Variants in MALT1 observed in about 807,000 individuals in gnomAD.
MALT1 encodes the protein MALT1 paracaspase, also known as mucosa-associated lymphoid tissue lymphoma translocation protein 1.
Under a neutral mutation model 85.5 loss-of-function variants are expected in MALT1, and 36 were observed. That is an observed-to-expected ratio of 0.42 (90% confidence interval 0.32 to 0.56). The LOEUF (loss-of-function observed/expected upper bound fraction) is 0.56. MALT1 is among the 20% of genes least tolerant of loss of function. MALT1 has a pLI of 0.10. For synonymous variants in MALT1, 359 were observed against 361.3 expected (o/e 0.99, Z 0.07); for missense variants, 716 against 981.6 (o/e 0.73, Z 3.62).
At chr18:58,698,032 G>C (rs2054615549) in intron 3 of MALT1, among the ~76,000 whole-genome samples, 1 of 44,658 alleles carries the variant, frequency 2.2e-5, no homozygotes, top group African/African-American at 5.6e-5. Context: ...TAGGATTCGT[G>C]GGGTTTTTTG....
chr18:58,671,871 C>T lies in MALT1; in HGVS notation c.209+19C>T. On this transcript the variant is annotated intron_variant, in intron 1 of 16. Transcript: ENST00000649217. ...GCCTCAGGTGAGCTCAGGGCCGCGG[C>T]AGGCCGGGCGCGCGGGTCGAGCGGG... is the stretch of plus-strand genomic sequence containing the variant. 5.8e-6 allele frequency: 7 copies of T among 1,215,102 alleles called. No individual in the cohort carries two copies. The South Asian group carries it at 2.9e-4, about 50-fold the overall frequency. The allele number at this position is 1,215,102 out of a possible 1,614,324, so 75.3% of individuals were successfully genotyped here. A position where few individuals can be genotyped will look rare whatever the true frequency, so the allele number is the denominator to read the frequency against.
At chr18:58,747,109 A>G (rs927296675) in intron 16 of MALT1, among the ~76,000 whole-genome samples, 3 of 152,226 alleles carry the variant, frequency 2.0e-5, no homozygotes, top group African/African-American at 7.2e-5. Flanking sequence ...CTGCTTGGAA[A>G]ATGTTTTCCC....
At chr18:58,677,846 G>C (rs138359883) in intron 1 of MALT1, among the ~76,000 whole-genome samples, 2 of 152,220 alleles carry the variant, frequency 1.3e-5, no homozygotes, top group South Asian at 2.1e-4. Flanking sequence ...GCTTAGAAAA[G>C]AATACCTAGT....
chr18:58,684,236 T>C (rs572572773), intron 2 of MALT1, among the ~76,000 whole-genome samples: 12 of 151,442 alleles, frequency 7.9e-5, no homozygotes, highest in African/African-American at 2.7e-4. Context: ...CCTGTTTCTG[T>C]GTTACCACTT....
At chr18:58,724,395 T>C (rs894584372) in intron 10 of MALT1, among the ~76,000 whole-genome samples, 3 of 152,342 alleles carry the variant, frequency 2.0e-5, no homozygotes, top group African/African-American at 7.2e-5. Flanking sequence ...TCAGCTATTA[T>C]GCTGATGTGT....
In MALT1 at chr18:58,684,846, T is replaced by G. The variant is rs1265136574; in HGVS notation, c.376+3510T>G. 2.0e-5 allele frequency among the ~76,000 whole-genome samples: 3 copies of G among 152,200 alleles called. No individual in the cohort carries two copies. In the East Asian group the frequency reaches 5.8e-4, roughly 29 times the overall value. On this transcript the variant is annotated intron_variant, in intron 2 of 16. Coordinates refer to ENST00000649217, the MANE Select transcript of MALT1 (RefSeq NM_006785.4). ...ATATTGAGAATAAAAACTATTTTAA[T>G]TATATTAAGAAGATAAGCTCTGATA... is the stretch of plus-strand genomic sequence containing the variant.
chr18:58,682,264 T>G (rs1302177997), intron 2 of MALT1, among the ~76,000 whole-genome samples: 1 of 152,148 alleles, frequency 6.6e-6, no homozygotes, highest in East Asian at 1.9e-4. Context: ...AGTTGTGGGA[T>G]AGGGAATTAG....
intron 10 of MALT1, among the ~76,000 whole-genome samples, chr18:58,730,215 G>A (rs959224693): frequency 6.6e-6 from 1 of 152,154 alleles, no homozygotes; most frequent in African/African-American, 2.4e-5. Context: ...GGTGATTTCA[G>A]TATCTTCACA....
At chr18:58,728,709 C>T (rs1376746768) in intron 10 of MALT1, among the ~76,000 whole-genome samples, 1 of 152,168 alleles carries the variant, frequency 6.6e-6, no homozygotes, top group Non-Finnish European at 1.5e-5. Context: ...GACTTTGATA[C>T]AGAATAGTTA....
intron 4 of MALT1, among the ~76,000 whole-genome samples, chr18:58,700,849 C>T (rs2054661765): frequency 6.6e-6 from 1 of 151,748 alleles, no homozygotes; most frequent in Non-Finnish European, 1.5e-5. Context: ...TGCAGTGGTG[C>T]CATCTGATCT....
At chr18:58,709,175 C>CT (rs2054797529) in intron 4 of MALT1, among the ~76,000 whole-genome samples, 1 of 152,146 alleles carries the variant, frequency 6.6e-6, no homozygotes. Flanking sequence ...CCAGAATTTT[C>CT]TAAGTTTATT....
At chr18:58,682,839 A>G (rs933880505) in intron 2 of MALT1, among the ~76,000 whole-genome samples, 1 of 152,210 alleles carries the variant, frequency 6.6e-6, no homozygotes, top group Non-Finnish European at 1.5e-5. Flanking sequence ...CCTGCTTTAC[A>G]AGGCCCTCTG....
chr18:58,700,057 C>A (rs1300026120), intron 3 of MALT1, among the ~76,000 whole-genome samples: 1 of 152,226 alleles, frequency 6.6e-6, no homozygotes, highest in African/African-American at 2.4e-5. Context: ...AAGCCCAATT[C>A]TCTGTGTTTT....
intron 13 of MALT1, among the ~76,000 whole-genome samples, chr18:58,739,617 C>G (rs190517226): frequency 6.0e-4 from 92 of 152,286 alleles, no homozygotes; most frequent in Admixed American, 1.6e-3. Context: ...TAGCTGAAGG[C>G]CTTAATGGAG....
intron 10 of MALT1, 109 bp from the exon 11 acceptor site, chr18:58,733,288 C>A: frequency 1.5e-6 from 1 of 687,724 alleles, no homozygotes; most frequent in South Asian, 2.0e-5. Context: ...CTCACATCAA[C>A]CTGAAGAAAA....
At chr18:58,743,284 G>T (rs978304390) in intron 14 of MALT1, among the ~76,000 whole-genome samples, 1 of 152,134 alleles carries the variant, frequency 6.6e-6, no homozygotes, top group Non-Finnish European at 1.5e-5. Context: ...GCTGAGCCAG[G>T]AGAATCACTT....
intron 16 of MALT1, among the ~76,000 whole-genome samples, chr18:58,746,636 C>T (rs1426415179): frequency 1.3e-5 from 2 of 152,130 alleles, no homozygotes; most frequent in East Asian, 3.8e-4. Flanking sequence ...AGCCCATTAT[C>T]TGATTCAGTT....
In MALT1 at chr18:58,748,393, A is replaced by C. The variant is rs35904623; in HGVS notation, c.*551A>C. 5.6e-6 allele frequency: 1 copy of C among 177,702 alleles called. No homozygotes were observed. Among genetic ancestry groups the C allele is most frequent in the Non-Finnish European group, 1.2e-5 (1 of 82,748 alleles). 11.0% of individuals were successfully genotyped at this position (177,702 alleles called of 1,614,324 possible). ...AGTGAAATATATTTATATATATATA[A>C]ATATATACAGATACATATCTGTGTA... is the stretch of plus-strand genomic sequence containing the variant. On this transcript the variant is annotated 3_prime_UTR_variant, in exon 17 of 17. Coordinates refer to ENST00000649217, the MANE Select transcript of MALT1 (RefSeq NM_006785.4).
chr18:58,703,184 C>T (rs890837567), intron 4 of MALT1, among the ~76,000 whole-genome samples: 1 of 152,040 alleles, frequency 6.6e-6, no homozygotes, highest in African/African-American at 2.4e-5. Context: ...TGGTGAAACC[C>T]TGTCTCTACT....
Sources: gnomAD v4.1 joint callset for allele counts (sites outside exome capture counted in the v4.1 genomes callset) on GRCh38, gnomAD v4.1.1 for gene constraint, MANE v1.5 for transcripts, NCBI Gene and HGNC (gene_info 2026-07-23, HGNC 2026-07-21) for gene names.